PTPRD: variants seen among roughly 807,000 people sequenced by gnomAD.
The protein encoded by PTPRD is protein tyrosine phosphatase receptor type D.
PTPRD carries 34 observed loss-of-function variants against 214.5 expected under a neutral mutation model. The ratio of observed to expected loss-of-function variants is 0.16; its 90% CI spans 0.12 to 0.21. The LOEUF (loss-of-function observed/expected upper bound fraction) is 0.21, where lower values mean the gene tolerates loss of function less well. Among genes scored for constraint, PTPRD ranks in the 10% least tolerant of loss-of-function variants. The pLI, the probability that PTPRD is intolerant of heterozygous loss-of-function variation, is 1.00. For missense variants in PTPRD, 2,545 were observed against 2,398.7 expected (o/e 1.06, Z -1.27); for synonymous variants, 1,128 against 845.7 (o/e 1.33, Z -5.79).
At chr9:9,981,116 G>C (rs2095529490) in intron 4 of PTPRD, among the ~76,000 whole-genome samples, 1 of 152,064 alleles carries the variant, frequency 6.6e-6, no homozygotes, top group African/African-American at 2.4e-5. Flanking sequence ...TTTTTTAGTG[G>C]AGGAATTCGT....
At chr9:9,894,941 G>A (rs1375782915) in intron 5 of PTPRD, among the ~76,000 whole-genome samples, 5 of 151,908 alleles carry the variant, frequency 3.3e-5, no homozygotes, top group African/African-American at 9.7e-5. Context: ...AAGAACAAAA[G>A]AGCCAAAAAT....
chr9:8,655,582 G>A (rs1275445501), intron 12 of PTPRD, among the ~76,000 whole-genome samples: 1 of 152,000 alleles, frequency 6.6e-6, no homozygotes, highest in Admixed American at 6.6e-5. Flanking sequence ...ACATAAAGGA[G>A]ATTTAAACAT....
intron 3 of PTPRD, among the ~76,000 whole-genome samples, chr9:10,300,253 C>T (rs1257975780): frequency 6.6e-6 from 1 of 152,154 alleles, no homozygotes; most frequent in African/African-American, 2.4e-5. Flanking sequence ...CAGCTCCGGT[C>T]TTCACAACCC....
In PTPRD at chr9:10,255,546, T is replaced by C. The variant is rs576146429; in HGVS notation, c.-545+85417A>G. ...GATCTAGGTGAGAGGTGCGCGAATA[T>C]AAAGGCCTAGGACATTACACTACTA... On this transcript the variant is annotated intron_variant, in intron 3 of 45. Coordinates refer to ENST00000381196, the MANE Select transcript of PTPRD (RefSeq NM_002839.4). Among the ~76,000 whole-genome samples the C allele has an allele frequency of 2.0e-5, 3 of 152,278 alleles. No homozygotes were observed. In the East Asian group the frequency reaches 5.8e-4, roughly 29 times the overall value.
At chr9:9,623,518 T>C (rs1040509688) in intron 7 of PTPRD, among the ~76,000 whole-genome samples, 1 of 152,226 alleles carries the variant, frequency 6.6e-6, no homozygotes, top group Non-Finnish European at 1.5e-5. Context: ...ACTGGATGAA[T>C]GAATGAGTAC....
intron 9 of PTPRD, among the ~76,000 whole-genome samples, chr9:9,350,891 T>C (rs186449630): frequency 6.6e-6 from 1 of 152,152 alleles, no homozygotes; most frequent in Admixed American, 6.6e-5. Flanking sequence ...GATCCTCTTT[T>C]TCTGAGAGTG....
At chr9:9,339,370 C>A (rs955628756) in intron 9 of PTPRD, among the ~76,000 whole-genome samples, 2 of 151,724 alleles carry the variant, frequency 1.3e-5, no homozygotes, top group Non-Finnish European at 2.9e-5. Flanking sequence ...CCTGTAGTCC[C>A]AGCTACTCGG....
At chr9:9,830,722 GA>G (rs1235782438) in intron 5 of PTPRD, among the ~76,000 whole-genome samples, 1 of 151,870 alleles carries the variant, frequency 6.6e-6, no homozygotes, top group South Asian at 2.1e-4. Flanking sequence ...GACTGGCAGT[GA>G]AATGGTGTGA....
intron 9 of PTPRD, among the ~76,000 whole-genome samples, chr9:9,262,784 A>G (rs533760465): frequency 6.6e-6 from 1 of 151,822 alleles, no homozygotes; most frequent in East Asian, 2.0e-4. Flanking sequence ...ATGAATACAT[A>G]AAACAATTAA....
At chr9:9,309,533 T>C (rs1290288865) in intron 9 of PTPRD, among the ~76,000 whole-genome samples, 1 of 152,162 alleles carries the variant, frequency 6.6e-6, no homozygotes, top group Non-Finnish European at 1.5e-5. Flanking sequence ...ATTTCCACTT[T>C]ATTGGTCTCA....
At chr9:8,999,697 C>T (rs10977432) in intron 11 of PTPRD, among the ~76,000 whole-genome samples, 35,850 of 151,742 alleles carry the variant, frequency 0.24, 4,973 homozygotes, top group Admixed American at 0.34. Flanking sequence ...GGGAATATTT[C>T]GATAGTCCTT....
chr9:8,622,990 T>C (rs578011997), intron 14 of PTPRD, among the ~76,000 whole-genome samples: 5 of 144,886 alleles, frequency 3.5e-5, no homozygotes, highest in African/African-American at 1.2e-4. Flanking sequence ...ATTTACAAAA[T>C]ACAAAAAAAA....
intron 2 of PTPRD, among the ~76,000 whole-genome samples, chr9:10,407,315 A>C (rs1346040522): frequency 6.6e-6 from 1 of 151,652 alleles, no homozygotes; most frequent in African/African-American, 2.4e-5. Context: ...ATATATACAC[A>C]TAAGAAATGC....
chr9:9,027,678 T>C (rs142605382), intron 10 of PTPRD, among the ~76,000 whole-genome samples: 7 of 151,950 alleles, frequency 4.6e-5, no homozygotes, highest in South Asian at 4.1e-4. Flanking sequence ...TCACATATCA[T>C]TGAGGTGTTA....
chr9:8,668,506 T>C (rs1396024482), intron 12 of PTPRD, among the ~76,000 whole-genome samples: 1 of 152,208 alleles, frequency 6.6e-6, no homozygotes, highest in Non-Finnish European at 1.5e-5. Context: ...GAAAGTACCA[T>C]CTTACATAGA....
rs547756102 is a variant in PTPRD, at chr9:10,316,594, T to C, written c.-545+24369A>G. ...TTTGGTCTTTTTCCAGAAAATTCAC[T>C]ATGGTTTTATGTTCAAAGCCAGCTT... On this transcript the variant is annotated intron_variant, in intron 3 of 45. Coordinates refer to ENST00000381196, the MANE Select transcript of PTPRD (RefSeq NM_002839.4). 1.3e-4 allele frequency among the ~76,000 whole-genome samples: 20 copies of C among 152,110 alleles called. No individual in the cohort carries two copies. The South Asian group carries it at 2.9e-3, about 22-fold the overall frequency.
chr9:8,454,668 A>G, intron 33 of PTPRD: 2 of 1,511,014 alleles, frequency 1.3e-6, no homozygotes, highest in South Asian at 1.1e-5. Flanking sequence ...AAGGATAACC[A>G]TGACAACCAA....
In PTPRD at chr9:10,181,544, T is replaced by G. The variant is rs551157931; in HGVS notation, c.-544-147754A>C. ...ACTTCACAAACACTAACTTTTTTTT[T>G]CAGTTAAAGATCATCAGTTGGTAAA... On this transcript the variant is annotated intron_variant, in intron 3 of 45. Transcript: ENST00000381196. Among the ~76,000 whole-genome samples, 3 of 152,192 alleles carry G rather than the reference T, an allele frequency of 2.0e-5. No homozygotes were observed. In the South Asian group the frequency reaches 6.2e-4, roughly 32 times the overall value.
At chr9:9,016,920 G>T (rs2099537970) in intron 11 of PTPRD, among the ~76,000 whole-genome samples, 1 of 152,044 alleles carries the variant, frequency 6.6e-6, no homozygotes. Flanking sequence ...GCTCTTAATG[G>T]TGGTGCTGGG....
Sources: allele counts gnomAD v4.1 joint callset (sites outside exome capture counted in the v4.1 genomes callset), GRCh38; gene constraint gnomAD v4.1.1; transcripts MANE v1.5; gene names NCBI Gene and HGNC (gene_info 2026-07-23, HGNC 2026-07-21).